Variants in SHROOM3 observed in about 807,000 individuals in gnomAD.
SHROOM3 encodes the protein protein Shroom3.
A neutral mutation model predicts 138.6 loss-of-function variants in SHROOM3; 47 were observed. The observed-to-expected ratio is 0.34, with a 90% CI of 0.27 to 0.43. The LOEUF (loss-of-function observed/expected upper bound fraction) is 0.43. Ranked by LOEUF, SHROOM3 falls within the 20% of genes least tolerant of loss-of-function variation. The pLI is 1.00. For missense variants in SHROOM3, 2,491 were observed against 2,596.5 expected (o/e 0.96, Z 0.88); for synonymous variants, 1,062 against 1,063.3 (o/e 1.00, Z 0.02).
At chr4:76,503,936 T>A (rs1398146221) in intron 1 of SHROOM3, among the ~76,000 whole-genome samples, 1 of 152,196 alleles carries the variant, frequency 6.6e-6, no homozygotes, top group Non-Finnish European at 1.5e-5. Context: ...CAACCCTGTT[T>A]TGACTCAGCT....
chr4:76,540,816 G>A (rs527484712), intron 1 of SHROOM3, among the ~76,000 whole-genome samples: 2 of 152,150 alleles, frequency 1.3e-5, no homozygotes, highest in African/African-American at 4.8e-5. Context: ...GAAAACTAAA[G>A]CCTAACTATT....
chr4:76,606,015 T>A (rs1486838910), intron 2 of SHROOM3, among the ~76,000 whole-genome samples: 1,743 of 125,206 alleles, frequency 0.014, 15 homozygotes, highest in South Asian at 0.034. Flanking sequence ...ATATTTTTTT[T>A]TTTTTTTTTT....
chr4:76,530,185 C>T (rs778336963), intron 1 of SHROOM3, among the ~76,000 whole-genome samples: 3 of 152,132 alleles, frequency 2.0e-5, no homozygotes, highest in Admixed American at 2.0e-4. Context: ...TATGGAAACG[C>T]ATTTAGGAAT....
chr4:76,683,779 G>C (rs1258116156), intron 2 of SHROOM3, among the ~76,000 whole-genome samples: 2 of 152,130 alleles, frequency 1.3e-5, no homozygotes, highest in African/African-American at 4.8e-5. Flanking sequence ...AACCCAGGAT[G>C]CTTTTTAAAG....
intron 2 of SHROOM3, among the ~76,000 whole-genome samples, chr4:76,593,886 G>A (rs377171833): frequency 7.2e-5 from 11 of 152,194 alleles, no homozygotes; most frequent in African/African-American, 2.7e-4. Flanking sequence ...CGATGATGCT[G>A]TGTTCCTGTT....
intron 2 of SHROOM3, among the ~76,000 whole-genome samples, chr4:76,599,651 G>C (rs1734463112): frequency 6.6e-6 from 1 of 152,182 alleles, no homozygotes; most frequent in Non-Finnish European, 1.5e-5. Flanking sequence ...AATGGTCCTG[G>C]GTTTGAATTC....
intron 2 of SHROOM3, among the ~76,000 whole-genome samples, chr4:76,636,755 C>T (rs75045245): frequency 4.6e-5 from 7 of 152,294 alleles, no homozygotes; most frequent in East Asian, 1.9e-4. Context: ...TGTGTGAGTG[C>T]GCCCTGTAAT....
intron 2 of SHROOM3, among the ~76,000 whole-genome samples, chr4:76,609,213 C>A (rs1336514304): frequency 6.6e-6 from 1 of 152,126 alleles, no homozygotes; most frequent in Non-Finnish European, 1.5e-5. Context: ...ATACATTGAA[C>A]CTTGCAAATT....
At chr4:76,452,356 T>C (rs925542747) in intron 1 of SHROOM3, among the ~76,000 whole-genome samples, 1 of 152,174 alleles carries the variant, frequency 6.6e-6, no homozygotes. Context: ...AAACTGAAAC[T>C]CTGTATCCAT....
chr4:76,725,933 G>A (rs1479656371), intron 3 of SHROOM3, among the ~76,000 whole-genome samples: 1 of 152,002 alleles, frequency 6.6e-6, no homozygotes, highest in Non-Finnish European at 1.5e-5. Flanking sequence ...AAAAACATTA[G>A]GAACAAAACC....
At chr4:76,710,351 G>C in intron 3 of SHROOM3, 64 bp downstream of exon 3, 1 of 1,600,028 alleles carries the variant, frequency 6.2e-7, no homozygotes, top group Non-Finnish European at 8.5e-7. Flanking sequence ...AAGCCACTCA[G>C]CTGCTGGGAG....
At chr4:76,469,614 A>C (rs1329713768) in intron 1 of SHROOM3, among the ~76,000 whole-genome samples, 1 of 152,020 alleles carries the variant, frequency 6.6e-6, no homozygotes, top group African/African-American at 2.4e-5. Flanking sequence ...ATGCTGCCAC[A>C]CCCAGCTAAT....
chr4:76,504,290 C>T (rs552855235), intron 1 of SHROOM3, among the ~76,000 whole-genome samples: 10 of 152,220 alleles, frequency 6.6e-5, no homozygotes, highest in South Asian at 4.1e-4. Context: ...TCCCAAGTAG[C>T]TTGGATTACA....
At chr4:76,651,932 A>G (rs568543817) in intron 2 of SHROOM3, among the ~76,000 whole-genome samples, 38 of 152,290 alleles carry the variant, frequency 2.5e-4, no homozygotes, top group African/African-American at 8.9e-4. Flanking sequence ...CATGGTTTTA[A>G]TGGTGGCTAA....
chr4:76,489,500 T>C (rs1731805431), intron 1 of SHROOM3, among the ~76,000 whole-genome samples: 1 of 152,204 alleles, frequency 6.6e-6, no homozygotes, highest in Non-Finnish European at 1.5e-5. Flanking sequence ...ACCACTTCTT[T>C]TTTCTTTCTG....
chr4:76,620,202 T>G (rs1333168602), intron 2 of SHROOM3, among the ~76,000 whole-genome samples: 1 of 152,038 alleles, frequency 6.6e-6, no homozygotes, highest in Non-Finnish European at 1.5e-5. Flanking sequence ...ATGGGCAATT[T>G]GGGAAGACAG....
chr4:76,583,561 G>A (rs966156980), intron 2 of SHROOM3, among the ~76,000 whole-genome samples: 3 of 152,194 alleles, frequency 2.0e-5, no homozygotes, highest in African/African-American at 7.2e-5. Context: ...CAATCACAAA[G>A]CTGGTGAATG....
rs747838287 is a variant in SHROOM3, at chr4:76,740,756, G to A, written c.2583G>A (p.Gln861=). The A allele has an allele frequency of 3.8e-5, 62 of 1,612,852 alleles. No homozygotes were observed. The highest frequency in any genetic ancestry group is 5.1e-5 in the Non-Finnish European group (60 of 1,180,002). Residue 861 remains glutamine, a synonymous_variant, in exon 5 of 11, where the codon CAG becomes CAA. Coordinates refer to ENST00000296043, the MANE Select transcript of SHROOM3 (RefSeq NM_020859.4). The surrounding 1 kb of genome is among the most constrained non-coding windows in gnomAD (Gnocchi z 4.0). ...GELKLEEASR[Q]PCGQQLSGGA... ...TGAAGTTGGAAGAGGCTTCCCGGCA[G>A]CCCTGCGGTCAGCAGCTGAGCGGAG...
At chr4:76,531,349 C>G (rs923113159) in intron 1 of SHROOM3, among the ~76,000 whole-genome samples, 1 of 152,122 alleles carries the variant, frequency 6.6e-6, no homozygotes, top group African/African-American at 2.4e-5. Flanking sequence ...TGATGGTGCC[C>G]CTCAGTATAA....
Sources: gnomAD v4.1 joint callset for allele counts (sites outside exome capture counted in the v4.1 genomes callset) on GRCh38, gnomAD v4.1.1 for gene constraint, Gnocchi (gnomAD v3.1) non-coding constraint, MANE v1.5 for transcripts, NCBI Gene and HGNC (gene_info 2026-07-23, HGNC 2026-07-21) for gene names.